DNMT3A: variants seen among roughly 807,000 people sequenced by gnomAD.
DNMT3A encodes DNA (cytosine-5)-methyltransferase 3A.
A neutral mutation model predicts 117.6 loss-of-function variants in DNMT3A; 267 were observed. The ratio of observed to expected loss-of-function variants is 2.27; its 90% CI spans 2.05 to 2.51. The LOEUF (loss-of-function observed/expected upper bound fraction) is 2.51, where lower values mean the gene tolerates loss of function less well. Ranked by LOEUF, DNMT3A falls within the 30% of genes most tolerant of loss-of-function variation. The probability of loss-of-function intolerance (pLI) is 0.00; values close to 1 mark genes in which losing one functional copy is unlikely to be tolerated. For missense variants in DNMT3A, 1,029 were observed against 1,260.2 expected (o/e 0.82, Z 2.78); for synonymous variants, 432 against 474.8 (o/e 0.91, Z 1.17).
In DNMT3A at chr2:25,235,845, G is replaced by A; in HGVS notation, c.2479-20C>T. 1 of 1,602,414 alleles carries A rather than the reference G, an allele frequency of 6.2e-7. No individual in the cohort carries two copies. The highest frequency in any genetic ancestry group is 8.6e-7 in the Non-Finnish European group (1 of 1,169,374). ...GCTGAACTAGATGAAGAGGAGAAAA[G>A]AGGAATAAGCACGAATTCATTCACC... On this transcript the variant is annotated intron_variant, in intron 21 of 22. Transcript: ENST00000321117.
At chr2:25,333,034 G>C (rs561955899) in intron 1 of DNMT3A, among the ~76,000 whole-genome samples, 19 of 152,300 alleles carry the variant, frequency 1.2e-4, no homozygotes, top group Non-Finnish European at 2.8e-4. Context: ...ACATGGACAG[G>C]GGACTCTGAA....
In DNMT3A at chr2:25,247,696, G is replaced by C. The variant is rs2149308038; in HGVS notation, c.909C>G (p.Phe303Leu). Residue 303 changes from phenylalanine (F) to leucine (L), a missense_variant, in exon 8 of 23, where the codon TTC becomes TTG. Coordinates refer to ENST00000321117, the MANE Select transcript of DNMT3A (RefSeq NM_022552.5). This position sits in a 1 kb window ranked among gnomAD's most constrained non-coding sequence, Gnocchi z 5.6. ...GELVWGKLRG[F>L]SWWPGRIVSW... ...ACACAATGCGGCCTGGCCACCAGGA[G>C]AAGCCCCGCAGTTTCCCCCACACCA... The C allele has an allele frequency of 6.2e-7, 1 of 1,613,592 alleles. No homozygotes were observed. Among genetic ancestry groups the C allele is most frequent in the Non-Finnish European group, 8.5e-7 (1 of 1,179,980 alleles).
rs1248558438 is a variant in DNMT3A at position 25,241,655 on chromosome 2, C to T, written c.1989G>A (p.Ser663=). ...LGIQVDRYIA[S]EVCEDSITVG... ...CCGTGATGGAGTCCTCACACACCTC[C>T]GAGGCAATGTAGCGGTCCACCTGAA... The change falls in exon 17 of 23, where the codon TCG becomes TCA. Residue 663 remains serine, a synonymous_variant. Transcript: ENST00000321117. 1.9e-6 allele frequency: 3 copies of T among 1,614,126 alleles called. No homozygotes were observed. The highest frequency in any genetic ancestry group is 1.7e-6 in the Non-Finnish European group (2 of 1,180,016).
intron 22 of DNMT3A, 129 bp downstream of exon 22, chr2:25,235,578 T>C: frequency 1.4e-6 from 1 of 720,310 alleles, no homozygotes; most frequent in Non-Finnish European, 2.4e-6. Context: ...TGGGAAATGC[T>C]TGATAAAACC....
chr2:25,278,027 ACACACACAC>A (rs2031583072), intron 4 of DNMT3A, among the ~76,000 whole-genome samples: 4 of 83,448 alleles, frequency 4.8e-5, no homozygotes, highest in African/African-American at 1.1e-4. Flanking sequence ...ACACACACAC[ACACACACAC>A]ACAGACACAC....
Position 25,243,963 on chromosome 2 carries a change from GGGTAAA to G in DNMT3A, c.1865_1870del (p.Val622_Pro624delinsAla), listed in dbSNP as rs1394353623. 1 of 1,553,646 alleles carries G rather than the reference GGGTAAA, an allele frequency of 6.4e-7. No homozygotes were observed. Among genetic ancestry groups the G allele is most frequent in the Non-Finnish European group, 8.7e-7 (1 of 1,147,974 alleles). ...CTTCCTCTTCTCAGCTGGGACAGGT[GGGTAAA>G]CCTTTGGAGGGTCCTAAGCAGTGAG... On this transcript the variant is annotated inframe_deletion, in exon 16 of 23. Coordinates refer to ENST00000321117, the MANE Select transcript of DNMT3A (RefSeq NM_022552.5).
intron 19 of DNMT3A, 94 bp downstream of exon 19, chr2:25,240,208 T>C: frequency 1.3e-6 from 2 of 1,561,486 alleles, no homozygotes; most frequent in South Asian, 2.4e-5. Flanking sequence ...AAGTCACCAG[T>C]CCCCAGCTCC....
rs1032245401 is a variant in DNMT3A, at chr2:25,314,393, C to G, written c.-177-232G>C. 3.0e-6 allele frequency: 3 copies of G among 985,214 alleles called. No individual in the cohort carries two copies. The African/African-American group carries it at 5.2e-5, about 17-fold the overall frequency. The allele number at this position is 985,214 out of a possible 1,614,324, so 61.0% of individuals were successfully genotyped here. A position where few individuals can be genotyped will look rare whatever the true frequency, so the allele number is the denominator to read the frequency against. On this transcript the variant is annotated intron_variant, in intron 1 of 22. Transcript: ENST00000321117. ...CAGCAGTCTCCCCTCCGTGTCGCTG[C>G]GGCCAATGGGTGCCACTTCTGGGAC...
At chr2:25,326,964 A>T (rs898156415) in intron 1 of DNMT3A, among the ~76,000 whole-genome samples, 2 of 152,194 alleles carry the variant, frequency 1.3e-5, no homozygotes, top group Non-Finnish European at 2.9e-5. Context: ...ACCCAAAAAG[A>T]TGGATTTCCA....
rs1309187477 is a variant in DNMT3A, at chr2:25,282,380, C to T, written c.448+61G>A. 7.6e-6 allele frequency: 12 copies of T among 1,572,300 alleles called. No individual in the cohort carries two copies. The highest frequency in any genetic ancestry group is 8.6e-6 in the Non-Finnish European group (10 of 1,158,446). ...CTGGGACCTGCTGGAGAGCCAAGTC[C>T]CTGACTCTCAGGGTATGCTGGTGGG... On this transcript the variant is annotated intron_variant, in intron 4 of 22. Transcript: ENST00000321117. This position sits in a 1 kb window ranked among gnomAD's most constrained non-coding sequence, Gnocchi z 5.2.
chr2:25,275,543 C>T lies in DNMT3A; in HGVS notation c.449G>A (p.Gly150Asp), dbSNP rs1314431398. 31 of 1,578,092 alleles carry T rather than the reference C, an allele frequency of 2.0e-5. No homozygotes were observed. The highest frequency in any genetic ancestry group is 2.7e-5 in the Non-Finnish European group (31 of 1,167,876). Reference protein sequence around the residue: ...KEGRGAPAEAGKEQKETNIES... With the variant: ...KEGRGAPAEADKEQKETNIES... ...GATGTTGGTCTCCTTCTGTTCTTTG[C>T]CTGTGGAGAGGGAAGAACAAAGGGA... The change falls in exon 5 of 23, where the codon GGC (glycine) becomes GAC (aspartate). Residue 150 changes from glycine (G) to aspartate (D), a missense_variant and splice_region_variant. Transcript: ENST00000321117.
chr2:25,273,758 C>T (rs894138149), intron 6 of DNMT3A, among the ~76,000 whole-genome samples: 2 of 152,188 alleles, frequency 1.3e-5, no homozygotes, highest in Non-Finnish European at 2.9e-5. Flanking sequence ...TCACCAGCTC[C>T]TTTCCAGGTT....
At chr2:25,268,103 G>T (rs957594542) in intron 6 of DNMT3A, among the ~76,000 whole-genome samples, 1 of 152,304 alleles carries the variant, frequency 6.6e-6, no homozygotes, top group African/African-American at 2.4e-5. Context: ...CGGAGGGAGT[G>T]GGTTGTATCT....
rs1461515806 is a variant in DNMT3A, at chr2:25,311,510, G to GC, written c.72+2402dup. Among the ~76,000 whole-genome samples, 1 of 152,220 alleles carries GC rather than the reference G, an allele frequency of 6.6e-6. No homozygotes were observed. Among genetic ancestry groups the GC allele is most frequent in the Non-Finnish European group, 1.5e-5 (1 of 68,038 alleles). On this transcript the variant is annotated intron_variant, in intron 2 of 22. Transcript: ENST00000321117. The surrounding 1 kb of genome is among the most constrained non-coding windows in gnomAD (Gnocchi z 5.2). ...GGGGAGGAGGCCTGGCTATGGCCCA[G>GC]CCCTTATCTATCCAGATCACTGCCA...
At position 25,252,227 on chromosome 2, in the gene DNMT3A, G is replaced by A. The variant is rs2149326251; in HGVS notation, c.640-3975C>T. On this transcript the variant is annotated intron_variant, in intron 6 of 22. Coordinates refer to ENST00000321117, the MANE Select transcript of DNMT3A (RefSeq NM_022552.5). This position sits in a 1 kb window ranked among gnomAD's most constrained non-coding sequence, Gnocchi z 5.5. ...CCAGGTGCAGCCCCTCTGCAGTCGC[G>A]CTCAGGTGTGAGCCGCGGCCCTGAA... 1 of 1,549,608 alleles carries A rather than the reference G, an allele frequency of 6.5e-7. No individual in the cohort carries two copies. Among genetic ancestry groups the A allele is most frequent in the South Asian group, 1.2e-5 (1 of 83,204 alleles).
At chr2:25,248,328 A>G (rs1393100176) in intron 6 of DNMT3A, 76 bp from the exon 7 acceptor site, 1 of 1,503,294 alleles carries the variant, frequency 6.7e-7, no homozygotes, top group East Asian at 2.3e-5. Flanking sequence ...CAAGGGGACC[A>G]TGTTTGTCAA....
intron 1 of DNMT3A, among the ~76,000 whole-genome samples, chr2:25,331,411 CA>C (rs1253561610): frequency 2.6e-5 from 4 of 152,158 alleles, no homozygotes; most frequent in African/African-American, 9.7e-5. Flanking sequence ...GTTTGCTTTC[CA>C]AAAATGCTGT....
Position 25,282,154 on chromosome 2 carries a change from CTT to C in DNMT3A, c.448+285_448+286del, listed in dbSNP as rs532858843. 816 of 927,068 alleles carry C rather than the reference CTT, an allele frequency of 8.8e-4. No individual in the cohort carries two copies. The highest frequency in any genetic ancestry group is 1.6e-3 in the Middle Eastern group (4 of 2,522). The allele number at this position is 927,068 out of a possible 1,614,324, so 57.4% of individuals were successfully genotyped here. On this transcript the variant is annotated intron_variant, in intron 4 of 22. Coordinates refer to ENST00000321117, the MANE Select transcript of DNMT3A (RefSeq NM_022552.5). This position sits in a 1 kb window ranked among gnomAD's most constrained non-coding sequence, Gnocchi z 5.2. Reference sequence around the variant, plus strand: ...GAAAGCCCGCTGTTGCCAGATCTAGCTTTTTTTTTTTTCATGAGAAGCCAAAA... The same window carrying C: ...GAAAGCCCGCTGTTGCCAGATCTAGCTTTTTTTTTTCATGAGAAGCCAAAA...
chr2:25,261,777 G>A (rs1023565327), intron 6 of DNMT3A, among the ~76,000 whole-genome samples: 2 of 152,086 alleles, frequency 1.3e-5, no homozygotes, highest in Admixed American at 1.3e-4. Flanking sequence ...CCATGTCCTT[G>A]TCCCTGCCCC....
Sources: allele counts gnomAD v4.1 joint callset (sites outside exome capture counted in the v4.1 genomes callset), GRCh38; gene constraint gnomAD v4.1.1; non-coding constraint Gnocchi (gnomAD v3.1); transcripts MANE v1.5; gene names NCBI Gene and HGNC (gene_info 2026-07-23, HGNC 2026-07-21).